Variants in EFCAB6 observed in about 807,000 individuals in gnomAD.
EFCAB6 encodes EF-hand calcium binding domain 6.
EFCAB6 carries 156 observed loss-of-function variants against 169.8 expected under a neutral mutation model. The ratio of observed to expected loss-of-function variants is 0.92; its 90% confidence interval spans 0.81 to 1.05. The LOEUF (loss-of-function observed/expected upper bound fraction) is 1.05, where lower values mean the gene tolerates loss of function less well. Among genes scored for constraint, EFCAB6 ranks in the 50% least tolerant of loss-of-function variants. The pLI is 0.00. For missense variants in EFCAB6, 1,800 were observed against 1,829.1 expected, an observed-to-expected ratio of 0.98 and a Z score of 0.29; for synonymous variants, 698 against 676.4, an observed-to-expected ratio of 1.03 and a Z score of -0.50.
intron 17 of EFCAB6, among the ~76,000 whole-genome samples, chr22:43,657,221 G>A (rs1174376486): frequency 5.9e-5 from 9 of 152,202 alleles, no homozygotes; most frequent in East Asian, 1.9e-4. Context: ...CTTCAGCCCC[G>A]GAGGTGGAGG....
At chr22:43,802,766 G>A (rs2062770970) in intron 2 of EFCAB6, 1 of 510,824 alleles carries the variant, frequency 2.0e-6, no homozygotes, top group Non-Finnish European at 3.9e-6. Context: ...ATGTGTTGGA[G>A]ATGCCAAGTG....
intron 19 of EFCAB6, among the ~76,000 whole-genome samples, chr22:43,631,137 G>A (rs974999302): frequency 1.3e-5 from 2 of 151,634 alleles, no homozygotes; most frequent in South Asian, 2.1e-4. Flanking sequence ...CCAGTCTCTC[G>A]CCCGTCCCTT....
At chr22:43,736,039 A>C in intron 6 of EFCAB6, 46 bp from the exon 7 acceptor site, 2 of 1,529,194 alleles carry the variant, frequency 1.3e-6, no homozygotes, top group Non-Finnish European at 1.8e-6. Flanking sequence ...ATCTAGTGTT[A>C]GGAACCAAAT....
chr22:43,614,965 CAGCACAGACAGTCCACTCTGTGCAGG>C, intron 21 of EFCAB6, among the ~76,000 whole-genome samples: 1 of 151,780 alleles, frequency 6.6e-6, no homozygotes, highest in Non-Finnish European at 1.5e-5. Flanking sequence ...ATGGAGTCCA[CAGCACAGACAGTCCACTCTGTGCAGG>C]ACAGGAGGTT....
chr22:43,801,064 T>C (rs1490522734), intron 2 of EFCAB6, among the ~76,000 whole-genome samples: 5 of 151,400 alleles, frequency 3.3e-5, no homozygotes, highest in South Asian at 2.1e-4. Flanking sequence ...CTAGAGAGAA[T>C]CCTAAAAACG....
chr22:43,660,231 G>A (rs568863441), intron 17 of EFCAB6, among the ~76,000 whole-genome samples: 4 of 152,246 alleles, frequency 2.6e-5, no homozygotes, highest in East Asian at 1.9e-4. Flanking sequence ...CCCATGTGTC[G>A]TTGGGTATTT....
At chr22:43,607,052 G>A (rs1335124903) in intron 22 of EFCAB6, among the ~76,000 whole-genome samples, 2 of 152,074 alleles carry the variant, frequency 1.3e-5, no homozygotes, top group Non-Finnish European at 1.5e-5. Context: ...TTCCTAAACC[G>A]CAGCTCTGTT....
chr22:43,661,241 G>C (rs1484807201), intron 17 of EFCAB6, among the ~76,000 whole-genome samples: 1 of 152,042 alleles, frequency 6.6e-6, no homozygotes, highest in Non-Finnish European at 1.5e-5. Flanking sequence ...ATTCAGGCCT[G>C]GTGGCATGGA....
intron 10 of EFCAB6, among the ~76,000 whole-genome samples, chr22:43,699,953 G>A (rs1333779398): frequency 2.0e-5 from 3 of 152,114 alleles, no homozygotes; most frequent in Non-Finnish European, 4.4e-5. Context: ...TATGATCTCC[G>A]GCGAATACGC....
At chr22:43,645,046 T>C (rs1044645959) in intron 17 of EFCAB6, among the ~76,000 whole-genome samples, 7 of 152,230 alleles carry the variant, frequency 4.6e-5, no homozygotes, top group African/African-American at 1.4e-4. Flanking sequence ...AAGTATTAGA[T>C]TGAATGGAAA....
chr22:43,804,637 C>G (rs574259522), intron 2 of EFCAB6, among the ~76,000 whole-genome samples: 1 of 151,808 alleles, frequency 6.6e-6, no homozygotes, highest in Non-Finnish European at 1.5e-5. Context: ...GGTGGTGGCA[C>G]GCACCTGCAG....
chr22:43,575,765 G>A lies in EFCAB6; in HGVS notation c.3420+532C>T, dbSNP rs560821768. Among the ~76,000 whole-genome samples the A allele has an allele frequency of 2.6e-5, 4 of 152,014 alleles. No individual in the cohort carries two copies. The South Asian group carries it at 8.3e-4, about 32-fold the overall frequency. ...AAACCAGCCCCATTACTCACTAGCTGGGTGACTGTGGATAATACTTAATGT... is the reference window on the plus strand; with the variant it reads ...AAACCAGCCCCATTACTCACTAGCTAGGTGACTGTGGATAATACTTAATGT... On this transcript the variant is annotated intron_variant, in intron 26 of 31. Coordinates refer to ENST00000262726, the MANE Select transcript of EFCAB6 (RefSeq NM_022785.4).
At chr22:43,646,211 G>A (rs1218706505) in intron 17 of EFCAB6, among the ~76,000 whole-genome samples, 1 of 152,312 alleles carries the variant, frequency 6.6e-6, no homozygotes, top group African/African-American at 2.4e-5. Flanking sequence ...AGGAAAAGCC[G>A]ATGCTAAGCA....
chr22:43,540,389 G>A (rs1274938995), intron 27 of EFCAB6, 32 bp from the exon 28 acceptor site: 2 of 1,612,736 alleles, frequency 1.2e-6, no homozygotes, highest in African/African-American at 1.3e-5. Flanking sequence ...TTTCCCAGGT[G>A]TCAGTGCAAA....
chr22:43,568,749 T>C (rs1438740104), intron 26 of EFCAB6, among the ~76,000 whole-genome samples: 1 of 152,130 alleles, frequency 6.6e-6, no homozygotes, highest in African/African-American at 2.4e-5. Flanking sequence ...CAAGGGAGAA[T>C]GAGACCTCAT....
At position 43,772,950 on chromosome 22, in the gene EFCAB6, A is replaced by G. The variant is rs1569481715; in HGVS notation, c.293T>C (p.Ile98Thr). The G allele has an allele frequency of 1.9e-6, 3 of 1,614,094 alleles. No homozygotes were observed. The highest frequency in any genetic ancestry group is 2.7e-5 in the African/African-American group (2 of 74,936). ...LTVSKSELRR[I>T]ITDFLMPLTR... ...GAGCGGCATCAGGAAGTCTGTGATGATTCTTCTCAGTTCACTTTTTGACAC... is the reference window on the plus strand; with the variant it reads ...GAGCGGCATCAGGAAGTCTGTGATGGTTCTTCTCAGTTCACTTTTTGACAC... Residue 98 changes from isoleucine (I) to threonine (T), a missense_variant, in exon 4 of 32, where the codon ATC (isoleucine) becomes ACC (threonine). By Grantham distance (89) the Ile-to-Thr change is moderately conservative. Coordinates refer to ENST00000262726, the MANE Select transcript of EFCAB6 (RefSeq NM_022785.4).
chr22:43,674,625 T>C (rs1176183067), intron 13 of EFCAB6, among the ~76,000 whole-genome samples: 1 of 152,204 alleles, frequency 6.6e-6, no homozygotes. Context: ...TGTTTTATAC[T>C]AGACAAAGAT....
intron 6 of EFCAB6, among the ~76,000 whole-genome samples, chr22:43,745,268 T>C (rs2060518491): frequency 6.6e-6 from 1 of 152,228 alleles, no homozygotes; most frequent in Admixed American, 6.5e-5. Context: ...AAAGGCTGAA[T>C]GTTTCCCCTC....
chr22:43,605,969 A>G (rs1401416376), intron 22 of EFCAB6, among the ~76,000 whole-genome samples: 2 of 152,206 alleles, frequency 1.3e-5, no homozygotes, highest in Non-Finnish European at 2.9e-5. Context: ...TAGGAACTGC[A>G]CGATTGACCT....
Sources: allele counts gnomAD v4.1 joint callset (sites outside exome capture counted in the v4.1 genomes callset), GRCh38; gene constraint gnomAD v4.1.1; transcripts MANE v1.5; gene names NCBI Gene and HGNC (gene_info 2026-07-23, HGNC 2026-07-21).